Variants in PXDNL observed in about 807,000 individuals in gnomAD.
PXDNL encodes the protein peroxidasin like.
Under a neutral mutation model 150.8 loss-of-function variants are expected in PXDNL, and 145 were observed. That is an observed-to-expected ratio of 0.96 (90% CI 0.84 to 1.10). PXDNL has a LOEUF of 1.10. PXDNL is among the 50% of genes least tolerant of loss of function. The pLI, the probability that PXDNL is intolerant of heterozygous loss-of-function variation, is 0.00. For missense variants in PXDNL, 2,087 were observed against 1,873.9 expected (o/e 1.11, Z -2.10); for synonymous variants, 757 against 725.7 (o/e 1.04, Z -0.69).
At chr8:51,707,927 G>A (rs1340892663) in intron 1 of PXDNL, among the ~76,000 whole-genome samples, 4 of 151,954 alleles carry the variant, frequency 2.6e-5, no homozygotes, top group African/African-American at 7.2e-5. Context: ...ATGCACACAC[G>A]CACATACAAA....
intron 13 of PXDNL, among the ~76,000 whole-genome samples, chr8:51,424,282 T>A (rs527470022): frequency 3.2e-4 from 49 of 152,076 alleles, no homozygotes; most frequent in Non-Finnish European, 5.9e-4. Flanking sequence ...AGCAAAAGGG[T>A]TGCTTGAGTC....
intron 12 of PXDNL, among the ~76,000 whole-genome samples, chr8:51,429,855 C>G (rs190974505): frequency 2.5e-4 from 38 of 152,168 alleles, no homozygotes; most frequent in Admixed American, 1.2e-3. Flanking sequence ...TAAAAAGGTT[C>G]AGTTCCTCTG....
chr8:51,340,410 G>A (rs1053936750), intron 20 of PXDNL, among the ~76,000 whole-genome samples: 4 of 152,174 alleles, frequency 2.6e-5, no homozygotes, highest in Admixed American at 2.0e-4. Context: ...ATCATGTATT[G>A]TTAAAAATAT....
Position 51,453,653 on chromosome 8 carries a change from T to A in PXDNL, c.1115A>T (p.Asp372Val). Residue 372 changes from aspartate to valine, a missense_variant, in exon 10 of 23, where the codon GAT (aspartate) becomes GTT (valine). Coordinates refer to ENST00000356297, the MANE Select transcript of PXDNL (RefSeq NM_144651.5). ...GGACGTTGCCACGTGCCTGGATCCA[T>A]CCAGCTCCAATCCATTGTCCCTGGT... ...TWTRDNGLEL[D>V]GSRHVATSSG... is the part of the protein sequence containing the mutation. 6.2e-7 allele frequency: 1 copy of A among 1,614,002 alleles called. No homozygotes were observed. The highest frequency in any genetic ancestry group is 8.5e-7 in the Non-Finnish European group (1 of 1,179,880).
At chr8:51,748,546 G>T (rs1440057073) in intron 1 of PXDNL, among the ~76,000 whole-genome samples, 1 of 152,194 alleles carries the variant, frequency 6.6e-6, no homozygotes, top group African/African-American at 2.4e-5. Context: ...CAGCATCACT[G>T]CCTGGGCCAA....
intron 2 of PXDNL, among the ~76,000 whole-genome samples, chr8:51,600,438 CTT>C (rs1428963101): frequency 1.5e-5 from 2 of 134,908 alleles, no homozygotes; most frequent in Non-Finnish European, 3.1e-5. Flanking sequence ...TAAATTATAT[CTT>C]ATATAAATTA....
intron 9 of PXDNL, among the ~76,000 whole-genome samples, chr8:51,454,957 A>AGTTATTAT (rs370863538): frequency 7.0e-6 from 1 of 142,188 alleles, no homozygotes; most frequent in African/African-American, 2.9e-5. Flanking sequence ...GGTAAGGGAA[A>AGTTATTAT]AATTAGCCGG....
At chr8:51,550,312 G>C (rs912286510) in intron 4 of PXDNL, among the ~76,000 whole-genome samples, 1 of 152,070 alleles carries the variant, frequency 6.6e-6, no homozygotes, top group South Asian at 2.1e-4. Context: ...TAAAGAAAGA[G>C]GGAATCCTCC....
chr8:51,409,366 A>G lies in PXDNL; in HGVS notation c.2258T>C (p.Leu753Pro). ...GAALTAFARLLQPAYRDGIRA... is the reference protein window; with the variant it reads ...GAALTAFARLPQPAYRDGIRA... Reference sequence around the variant, plus strand: ...GATGCCGTCCCGGTAGGCTGGCTGCAGCAGGCGCGCGAAGGCGGTCAGCGC... The same window carrying G: ...GATGCCGTCCCGGTAGGCTGGCTGCGGCAGGCGCGCGAAGGCGGTCAGCGC... Residue 753 changes from leucine to proline, a missense_variant, in exon 17 of 23, where the codon CTG becomes CCG. By Grantham distance (98) the Leu-to-Pro change is moderately conservative. Coordinates refer to ENST00000356297, the MANE Select transcript of PXDNL (RefSeq NM_144651.5). 1 of 1,564,668 alleles carries G rather than the reference A, an allele frequency of 6.4e-7. No individual in the cohort carries two copies. The highest frequency in any genetic ancestry group is 8.6e-7 in the Non-Finnish European group (1 of 1,159,238).
At chr8:51,559,130 T>A (rs1005901787) in intron 3 of PXDNL, among the ~76,000 whole-genome samples, 4 of 151,990 alleles carry the variant, frequency 2.6e-5, no homozygotes, top group African/African-American at 9.7e-5. Flanking sequence ...CCTAAAAGGA[T>A]ATCTCAAATG....
chr8:51,590,143 G>A (rs895120802), intron 3 of PXDNL, among the ~76,000 whole-genome samples: 6 of 152,104 alleles, frequency 3.9e-5, no homozygotes, highest in African/African-American at 1.4e-4. Flanking sequence ...CCCACCTATA[G>A]CCTAAGTGGG....
intron 17 of PXDNL, among the ~76,000 whole-genome samples, chr8:51,406,705 A>C (rs879127187): frequency 6.6e-6 from 1 of 151,832 alleles, no homozygotes; most frequent in Non-Finnish European, 1.5e-5. Flanking sequence ...TGAGCCTTCC[A>C]TTTCTCAGCT....
At chr8:51,454,500 T>C (rs1033829239) in intron 9 of PXDNL, among the ~76,000 whole-genome samples, 2 of 152,202 alleles carry the variant, frequency 1.3e-5, no homozygotes, top group African/African-American at 4.8e-5. Flanking sequence ...TCATCAAGTA[T>C]ACATGTAAAT....
rs542676070 is a variant in PXDNL, at chr8:51,435,163, C to CA, written c.1526-8406dup. 3.3e-5 allele frequency among the ~76,000 whole-genome samples: 5 copies of CA among 151,590 alleles called. No individual in the cohort carries two copies. In the East Asian group the frequency reaches 5.8e-4, roughly 18 times the overall value. ...TGAAACTCCTTCTCTACTAAAAACA[C>CA]AAAAAAAATTAGCCAGGCATGGTGG... On this transcript the variant is annotated intron_variant, in intron 12 of 22. Coordinates refer to ENST00000356297, the MANE Select transcript of PXDNL (RefSeq NM_144651.5).
intron 3 of PXDNL, among the ~76,000 whole-genome samples, chr8:51,569,947 G>A (rs1260320425): frequency 1.3e-5 from 2 of 151,848 alleles, no homozygotes; most frequent in Non-Finnish European, 2.9e-5. Context: ...TACAGAAAAT[G>A]GCACAATTTT....
intron 20 of PXDNL, among the ~76,000 whole-genome samples, chr8:51,340,990 C>A (rs1205398822): frequency 1.3e-5 from 2 of 152,206 alleles, no homozygotes; most frequent in African/African-American, 4.8e-5. Context: ...GTCAAAAGAC[C>A]ACACGTGGGA....
At chr8:51,598,433 A>T (rs1213790550) in intron 2 of PXDNL, among the ~76,000 whole-genome samples, 1 of 152,090 alleles carries the variant, frequency 6.6e-6, no homozygotes, top group African/African-American at 2.4e-5. Flanking sequence ...GAGAGTTTTC[A>T]TTATGAAGGG....
chr8:51,542,263 C>T (rs1812233465), intron 4 of PXDNL, among the ~76,000 whole-genome samples: 1 of 152,092 alleles, frequency 6.6e-6, no homozygotes, highest in African/African-American at 2.4e-5. Flanking sequence ...GACAAGGTTA[C>T]CCTGAGACCA....
intron 1 of PXDNL, among the ~76,000 whole-genome samples, chr8:51,803,837 C>T (rs1204369167): frequency 2.0e-5 from 3 of 152,278 alleles, no homozygotes; most frequent in Non-Finnish European, 4.4e-5. Context: ...TAATGTACAC[C>T]GTTAGCCCAA....
Sources: allele counts gnomAD v4.1 joint callset (sites outside exome capture counted in the v4.1 genomes callset), GRCh38; gene constraint gnomAD v4.1.1; transcripts MANE v1.5; gene names NCBI Gene and HGNC (gene_info 2026-07-23, HGNC 2026-07-21).